MAGI3: variants seen among roughly 807,000 people sequenced by gnomAD.
MAGI3 encodes the protein membrane-associated guanylate kinase, WW and PDZ domain-containing protein 3.
A neutral mutation model predicts 121.8 loss-of-function variants in MAGI3; 43 were observed. The ratio of observed to expected loss-of-function variants is 0.35; its 90% CI spans 0.28 to 0.46. The LOEUF (loss-of-function observed/expected upper bound fraction) is 0.46, where lower values mean the gene tolerates loss of function less well. MAGI3 is among the 20% of genes least tolerant of loss of function. The pLI is 1.00. For synonymous variants in MAGI3, 553 were observed against 639.3 expected, an observed-to-expected ratio of 0.86 and a Z score of 2.04; for missense variants, 1,547 against 1,797.3, an observed-to-expected ratio of 0.86 and a Z score of 2.52.
chr1:113,529,168 A>G (rs542285246), intron 1 of MAGI3, among the ~76,000 whole-genome samples: 1 of 152,266 alleles, frequency 6.6e-6, no homozygotes, highest in African/African-American at 2.4e-5. Flanking sequence ...ATAGGTAAAC[A>G]TTTTTATTCA....
intron 1 of MAGI3, among the ~76,000 whole-genome samples, chr1:113,532,442 A>T (rs1037026806): frequency 1.3e-5 from 2 of 151,970 alleles, no homozygotes; most frequent in Non-Finnish European, 2.9e-5. Flanking sequence ...AGTTGTAAAA[A>T]TGGTAACAAC....
At chr1:113,624,256 A>G (rs1355796529) in intron 9 of MAGI3, among the ~76,000 whole-genome samples, 2 of 152,098 alleles carry the variant, frequency 1.3e-5, no homozygotes, top group Non-Finnish European at 2.9e-5. Flanking sequence ...TGGTATCTCT[A>G]TTTTTAGTGT....
At chr1:113,426,764 C>T (rs895186464) in intron 1 of MAGI3, among the ~76,000 whole-genome samples, 1 of 152,040 alleles carries the variant, frequency 6.6e-6, no homozygotes, top group Non-Finnish European at 1.5e-5. Context: ...TTACTTTTAG[C>T]TTACTTAATG....
chr1:113,546,725 C>T (rs777245436), intron 1 of MAGI3, among the ~76,000 whole-genome samples: 5 of 151,814 alleles, frequency 3.3e-5, no homozygotes, highest in East Asian at 1.9e-4. Flanking sequence ...TAGAAATGAA[C>T]GGTGAAAAAC....
At chr1:113,454,213 C>CAATT (rs1654634780) in intron 1 of MAGI3, among the ~76,000 whole-genome samples, 1 of 152,098 alleles carries the variant, frequency 6.6e-6, no homozygotes, top group Non-Finnish European at 1.5e-5. Context: ...ATTTGGGATG[C>CAATT]ATATTTTGCT....
At chr1:113,466,892 T>G (rs1655316418) in intron 1 of MAGI3, among the ~76,000 whole-genome samples, 1 of 152,088 alleles carries the variant, frequency 6.6e-6, no homozygotes. Flanking sequence ...CAAAACCAAC[T>G]TTTTGTTTCA....
At chr1:113,410,793 C>A (rs185351056) in intron 1 of MAGI3, among the ~76,000 whole-genome samples, 1 of 152,012 alleles carries the variant, frequency 6.6e-6, no homozygotes, top group Non-Finnish European at 1.5e-5. Flanking sequence ...TTATGTTAAC[C>A]CTGCCTAAGT....
intron 1 of MAGI3, among the ~76,000 whole-genome samples, chr1:113,419,044 T>C (rs1314437747): frequency 1.3e-5 from 2 of 152,216 alleles, no homozygotes; most frequent in Non-Finnish European, 2.9e-5. Flanking sequence ...AACATTTGGC[T>C]TAACTAATGC....
At chr1:113,418,611 T>C (rs1652576390) in intron 1 of MAGI3, among the ~76,000 whole-genome samples, 1 of 152,142 alleles carries the variant, frequency 6.6e-6, no homozygotes, top group African/African-American at 2.4e-5. Context: ...AATTTATAAA[T>C]ATGCCATCTT....
At chr1:113,513,844 C>T (rs1376375203) in intron 1 of MAGI3, among the ~76,000 whole-genome samples, 1 of 152,012 alleles carries the variant, frequency 6.6e-6, no homozygotes, top group Non-Finnish European at 1.5e-5. Context: ...AACAGGCAGC[C>T]TACAAAACAG....
chr1:113,524,470 G>A (rs1658362198), intron 1 of MAGI3, among the ~76,000 whole-genome samples: 1 of 152,074 alleles, frequency 6.6e-6, no homozygotes, highest in African/African-American at 2.4e-5. Context: ...ACCCACCTCT[G>A]GCATCAGCAT....
At position 113,391,291 on chromosome 1, in the gene MAGI3, C is replaced by T; in HGVS notation, c.258C>T (p.Asp86=). 6.3e-7 allele frequency: 1 copy of T among 1,594,240 alleles called. No individual in the cohort carries two copies. Among genetic ancestry groups the T allele is most frequent in the Non-Finnish European group, 8.5e-7 (1 of 1,171,532 alleles). Residue 86 remains aspartate (D), a synonymous_variant, in exon 1 of 21, where the codon GAC becomes GAT. Coordinates refer to ENST00000307546, the MANE Select transcript of MAGI3 (RefSeq NM_001142782.2). The surrounding 1 kb of genome is among the most constrained non-coding windows in gnomAD (Gnocchi z 4.4). ...GTPVSGLTNR[D]TLAVIRHFRE... ...CTGTCAGCGGGCTCACCAACCGGGACACCCTGGCTGTCATCCGCCACTTCC... is the reference window on the plus strand; with the variant it reads ...CTGTCAGCGGGCTCACCAACCGGGATACCCTGGCTGTCATCCGCCACTTCC...
intron 1 of MAGI3, among the ~76,000 whole-genome samples, chr1:113,423,835 G>A (rs562230297): frequency 6.7e-6 from 1 of 148,536 alleles, no homozygotes; most frequent in African/African-American, 2.5e-5. Flanking sequence ...TTCCATGCTT[G>A]TTGGCATCCA....
rs192515007 is a variant in MAGI3 at position 113,418,358 on chromosome 1, T to G, written c.316+27009T>G. ...TTGAAATTTTCCACAGTGTCTAATT[T>G]GGTTGCTTACTTTTCTCTGAACATG... On this transcript the variant is annotated intron_variant, in intron 1 of 20. Transcript: ENST00000307546. 4.2e-4 allele frequency among the ~76,000 whole-genome samples: 64 copies of G among 152,318 alleles called. 2 individuals are homozygous for G. Among genetic ancestry groups the G allele is most frequent in the Admixed American group, 3.9e-3 (60 of 15,298 alleles).
chr1:113,608,986 A>T (rs1367640446), intron 6 of MAGI3, among the ~76,000 whole-genome samples: 1 of 152,182 alleles, frequency 6.6e-6, no homozygotes, highest in African/African-American at 2.4e-5. Flanking sequence ...TGCATTCAGT[A>T]TTCTGGGAAT....
At position 113,682,814 on chromosome 1, in the gene MAGI3, A is replaced by G. The variant is rs190444125; in HGVS notation, c.3329-83A>G. On this transcript the variant is annotated intron_variant, in intron 20 of 20. Transcript: ENST00000307546. ...GCTTTTTAAGCAGTTACGACAATTC[A>G]AATGGCTGTCAAAGTTCAAAACGTA... 1.9e-4 allele frequency: 283 copies of G among 1,459,054 alleles called. 1 individual carries two copies. The highest frequency in any genetic ancestry group is 2.5e-4 in the Non-Finnish European group (277 of 1,108,262). The allele number at this position is 1,459,054 out of a possible 1,614,324, so 90.4% of individuals were successfully genotyped here.
At chr1:113,568,904 C>T (rs1446831074) in intron 2 of MAGI3, among the ~76,000 whole-genome samples, 1 of 151,882 alleles carries the variant, frequency 6.6e-6, no homozygotes, top group Non-Finnish European at 1.5e-5. Flanking sequence ...ACACAAAAAC[C>T]ATTAGCTGTA....
At chr1:113,672,557 T>C in intron 17 of MAGI3, 58 bp from the exon 18 acceptor site, 1 of 1,566,726 alleles carries the variant, frequency 6.4e-7, no homozygotes, top group Non-Finnish European at 8.6e-7. Context: ...TTAATCTGCC[T>C]TTAGACTGTT....
chr1:113,585,615 A>G lies in MAGI3; in HGVS notation c.763+19A>G. 1.3e-6 allele frequency: 2 copies of G among 1,573,902 alleles called. No individual in the cohort carries two copies. Among genetic ancestry groups the G allele is most frequent in the South Asian group, 2.3e-5 (2 of 87,506 alleles). On this transcript the variant is annotated intron_variant, in intron 4 of 20. Transcript: ENST00000307546. ...AACGCAGGTTTGTAAATAGATGAAC[A>G]ACTTCTAACTGATCTTCTAGATTGA...
Sources: allele counts gnomAD v4.1 joint callset (sites outside exome capture counted in the v4.1 genomes callset), GRCh38; gene constraint gnomAD v4.1.1; non-coding constraint Gnocchi (gnomAD v3.1); transcripts MANE v1.5; gene names NCBI Gene and HGNC (gene_info 2026-07-23, HGNC 2026-07-21).